The following ZMYM4 variants were observed in gnomAD, a reference collection of about 807,000 sequenced individuals.
ZMYM4 encodes the protein zinc finger MYM-type containing 4.
ZMYM4 carries 31 observed loss-of-function variants against 183.2 expected under a neutral mutation model. That is an observed-to-expected ratio of 0.17 (90% CI 0.13 to 0.23). The LOEUF is 0.23. ZMYM4 is among the 10% of genes least tolerant of loss of function. The pLI is 1.00. For synonymous variants in ZMYM4, 592 were observed against 631.2 expected (o/e 0.94, Z 0.93); for missense variants, 1,273 against 1,840.3 (o/e 0.69, Z 5.64).
At chr1:35,377,549 A>G (rs1170075525) in intron 7 of ZMYM4, among the ~76,000 whole-genome samples, 1 of 152,212 alleles carries the variant, frequency 6.6e-6, no homozygotes, top group East Asian at 1.9e-4. Context: ...CAATAAAGCA[A>G]TTATCTCAAT....
intron 2 of ZMYM4, among the ~76,000 whole-genome samples, chr1:35,355,009 T>C (rs2148894620): frequency 6.6e-6 from 1 of 151,732 alleles, no homozygotes; most frequent in South Asian, 2.1e-4. Flanking sequence ...GCCTATAATA[T>C]AGCTGCAAGA....
intron 5 of ZMYM4, among the ~76,000 whole-genome samples, chr1:35,362,117 T>A (rs920506720): frequency 9.9e-5 from 15 of 152,220 alleles, no homozygotes; most frequent in African/African-American, 3.4e-4. Flanking sequence ...CAATCAAGTT[T>A]ATGTAGGATA....
At chr1:35,335,018 A>T (rs1363175624) in intron 2 of ZMYM4, among the ~76,000 whole-genome samples, 2 of 152,162 alleles carry the variant, frequency 1.3e-5, no homozygotes, top group Non-Finnish European at 2.9e-5. Flanking sequence ...TTAACCACTT[A>T]GCTTTTTAAA....
chr1:35,273,258 C>A (rs987073106), intron 1 of ZMYM4, among the ~76,000 whole-genome samples: 2 of 152,128 alleles, frequency 1.3e-5, no homozygotes, highest in African/African-American at 4.8e-5. Context: ...GAAGGCGTTA[C>A]AGCAAGCATC....
chr1:35,350,617 A>C (rs1256226385), intron 2 of ZMYM4: 1 of 190,258 alleles, frequency 5.3e-6, no homozygotes, highest in Non-Finnish European at 1.1e-5. Context: ...TTTATTTCTG[A>C]AAATTATGCT....
At chr1:35,290,452 T>C (rs910005862) in intron 1 of ZMYM4, among the ~76,000 whole-genome samples, 2 of 152,178 alleles carry the variant, frequency 1.3e-5, no homozygotes, top group African/African-American at 4.8e-5. Flanking sequence ...TTTATTTTTT[T>C]AGAGACGGGA....
At chr1:35,407,887 T>A in intron 25 of ZMYM4, 121 bp from the exon 26 acceptor site, 2 of 1,240,988 alleles carry the variant, frequency 1.6e-6, no homozygotes, top group Non-Finnish European at 2.3e-6. Context: ...CTTTAATCCA[T>A]ATACCCACTA....
Position 35,354,441 on chromosome 1 carries a change from T to C in ZMYM4, c.86-4484T>C, listed in dbSNP as rs1211382342. 1.3e-5 allele frequency among the ~76,000 whole-genome samples: 2 copies of C among 152,176 alleles called. 1 individual carries two copies. The highest frequency in any genetic ancestry group is 2.9e-5 in the Non-Finnish European group (2 of 68,020). ...GGATGAATTTGTAAAAGTTGAATTGTTGGGCTGGGCGTGGTGTCAAACGCC... is the reference window on the plus strand; with the variant it reads ...GGATGAATTTGTAAAAGTTGAATTGCTGGGCTGGGCGTGGTGTCAAACGCC... On this transcript the variant is annotated intron_variant, in intron 2 of 29. Coordinates refer to ENST00000314607, the MANE Select transcript of ZMYM4 (RefSeq NM_005095.3).
chr1:35,350,856 AAC>A lies in ZMYM4; in HGVS notation c.86-8063_86-8062del, dbSNP rs1268195434. Reference sequence around the variant, plus strand: ...TGATACAGGATAAAAATAAATACAAAACACACAAATACAGGATGATAATTTGT... The same window carrying A: ...TGATACAGGATAAAAATAAATACAAAACACAAATACAGGATGATAATTTGT... On this transcript the variant is annotated intron_variant, in intron 2 of 29. Coordinates refer to ENST00000314607, the MANE Select transcript of ZMYM4 (RefSeq NM_005095.3). 5.2e-6 allele frequency: 3 copies of A among 574,106 alleles called. No homozygotes were observed. In the African/African-American group the frequency reaches 5.7e-5, roughly 11 times the overall value. The allele number at this position is 574,106 out of a possible 1,614,324, so 35.6% of individuals were successfully genotyped here.
intron 3 of ZMYM4, among the ~76,000 whole-genome samples, chr1:35,360,635 G>T (rs181162797): frequency 6.6e-6 from 1 of 152,080 alleles, no homozygotes; most frequent in African/African-American, 2.4e-5. Flanking sequence ...AAGTCAGGCC[G>T]TAGAAGTGCC....
At chr1:35,388,811 C>A in intron 13 of ZMYM4, 99 bp from the exon 14 acceptor site, 1 of 1,092,394 alleles carries the variant, frequency 9.2e-7, no homozygotes, top group Non-Finnish European at 1.3e-6. Flanking sequence ...GTTGGGATTA[C>A]AGGTGTGAGC....
In ZMYM4 at chr1:35,370,026, A is replaced by T; in HGVS notation, c.841-3A>T. On this transcript the variant is annotated splice_region_variant and splice_polypyrimidine_tract_variant and intron_variant, in intron 5 of 29. Coordinates refer to ENST00000314607, the MANE Select transcript of ZMYM4 (RefSeq NM_005095.3). The stretch of plus-strand genomic sequence containing the variant: ...TATTTATTTATTTTTTTCTTCTTTA[A>T]AGGAGTATAGTCATGGCCAACAGCA... The T allele has an allele frequency of 6.2e-7, 1 of 1,605,088 alleles. No homozygotes were observed. Among genetic ancestry groups the T allele is most frequent in the African/African-American group, 1.3e-5 (1 of 74,592 alleles).
At chr1:35,386,540 G>C (rs1348627905) in intron 11 of ZMYM4, among the ~76,000 whole-genome samples, 1 of 152,106 alleles carries the variant, frequency 6.6e-6, no homozygotes, top group Non-Finnish European at 1.5e-5. Context: ...TTCCTGCCAG[G>C]CTCCTCCCCC....
Position 35,398,345 on chromosome 1 carries a change from GTCATT to G in ZMYM4, c.3200-61_3200-57del, listed in dbSNP as rs1644844802. 2.2e-6 allele frequency: 3 copies of G among 1,373,174 alleles called. No individual in the cohort carries two copies. In the South Asian group the frequency reaches 3.7e-5, roughly 17 times the overall value. 85.1% of individuals were successfully genotyped at this position (1,373,174 alleles called of 1,614,324 possible). On this transcript the variant is annotated intron_variant, in intron 20 of 29. Coordinates refer to ENST00000314607, the MANE Select transcript of ZMYM4 (RefSeq NM_005095.3). ...TAGTATGATTGATGTATATAGTGCAGTCATTTCATTTGAGATATAATTTGTTGTCT... is the reference window on the plus strand; with the variant it reads ...TAGTATGATTGATGTATATAGTGCAGTCATTTGAGATATAATTTGTTGTCT...
chr1:35,365,765 C>T (rs978645126), intron 5 of ZMYM4, among the ~76,000 whole-genome samples: 1 of 151,964 alleles, frequency 6.6e-6, no homozygotes, highest in African/African-American at 2.4e-5. Context: ...TTTTGGGTTA[C>T]CAATTAGATA....
chr1:35,306,622 T>C (rs915719112), intron 1 of ZMYM4, among the ~76,000 whole-genome samples: 1 of 152,226 alleles, frequency 6.6e-6, no homozygotes, highest in Non-Finnish European at 1.5e-5. Context: ...TTAAAATTTT[T>C]CAGTGGCTTT....
At chr1:35,327,953 G>A (rs1159222085) in intron 2 of ZMYM4, among the ~76,000 whole-genome samples, 1 of 152,102 alleles carries the variant, frequency 6.6e-6, no homozygotes, top group Non-Finnish European at 1.5e-5. Flanking sequence ...CTCTTGGAAG[G>A]CATGCCTCTG....
In ZMYM4 at chr1:35,393,752, GTCTT is replaced by G. The variant is rs1281354604; in HGVS notation, c.2911+23_2911+26del. Reference sequence around the variant, plus strand: ...GAATGCCAGACAGGTATGTTCCTTGGTCTTTCTTTCTTTATTAATTTTTTAAGGG... The same window carrying G: ...GAATGCCAGACAGGTATGTTCCTTGGTCTTTCTTTATTAATTTTTTAAGGG... On this transcript the variant is annotated intron_variant, in intron 18 of 29. Transcript: ENST00000314607. 8.3e-6 allele frequency: 13 copies of G among 1,568,766 alleles called. No individual in the cohort carries two copies. The Admixed American group carries it at 2.1e-4, about 26-fold the overall frequency.
intron 26 of ZMYM4, among the ~76,000 whole-genome samples, chr1:35,412,625 TTG>T (rs1422351067): frequency 6.6e-6 from 1 of 152,164 alleles, no homozygotes. Flanking sequence ...GTAGTTGACT[TTG>T]TGTGATGAGT....
Sources: gnomAD v4.1 joint callset for allele counts (sites outside exome capture counted in the v4.1 genomes callset) on GRCh38, gnomAD v4.1.1 for gene constraint, MANE v1.5 for transcripts, NCBI Gene and HGNC (gene_info 2026-07-23, HGNC 2026-07-21) for gene names.